PDE11A: variants seen among roughly 807,000 people sequenced by gnomAD.
The protein encoded by PDE11A is phosphodiesterase 11A.
PDE11A carries 100 observed loss-of-function variants against 100.5 expected under a neutral mutation model. The ratio of observed to expected loss-of-function variants is 1.00; its 90% CI spans 0.85 to 1.18. PDE11A has a LOEUF of 1.18. Among genes scored for constraint, PDE11A ranks in the 50% most tolerant of loss-of-function variants. The pLI is 0.00. For synonymous variants in PDE11A, 381 were observed against 420.8 expected (o/e 0.91, Z 1.16); for missense variants, 1,141 against 1,152.6 (o/e 0.99, Z 0.15).
At chr2:177,804,947 C>G (rs73034264) in intron 9 of PDE11A, among the ~76,000 whole-genome samples, 17,157 of 151,478 alleles carry the variant, frequency 0.11, 1,130 homozygotes, top group African/African-American at 0.19. Context: ...AGGTTGGGAG[C>G]GGGTGAGAAT....
intron 10 of PDE11A, among the ~76,000 whole-genome samples, chr2:177,767,504 A>G (rs1035993036): frequency 3.9e-5 from 6 of 152,184 alleles, no homozygotes; most frequent in Non-Finnish European, 5.9e-5. Flanking sequence ...GCAAAAATAT[A>G]ATATAAACAT....
intron 9 of PDE11A, among the ~76,000 whole-genome samples, chr2:177,814,337 T>G (rs116551433): frequency 0.015 from 2,234 of 152,200 alleles, 53 homozygotes; most frequent in African/African-American, 0.051. Flanking sequence ...CATTCCTGAA[T>G]TTGGGTTTAG....
intron 14 of PDE11A, among the ~76,000 whole-genome samples, chr2:177,700,230 A>G (rs1179449110): frequency 6.6e-6 from 1 of 152,154 alleles, no homozygotes; most frequent in Non-Finnish European, 1.5e-5. Context: ...GAAGGCCTCC[A>G]TGATATTGCA....
At chr2:177,802,112 TACA>T (rs375544277) in intron 9 of PDE11A, among the ~76,000 whole-genome samples, 20 of 151,424 alleles carry the variant, frequency 1.3e-4, no homozygotes, top group African/African-American at 4.8e-4. Context: ...AGAAAAAGAG[TACA>T]ACATTTTTAG....
chr2:177,927,564 T>C (rs1280126729), intron 2 of PDE11A, among the ~76,000 whole-genome samples: 1 of 152,208 alleles, frequency 6.6e-6, no homozygotes, highest in Non-Finnish European at 1.5e-5. Flanking sequence ...GAGTAAAGTG[T>C]TTAACACAGG....
Position 177,727,722 on chromosome 2 carries a change from A to G in PDE11A, c.1979T>C (p.Met660Thr). The G allele has an allele frequency of 1.2e-6, 2 of 1,612,306 alleles. No homozygotes were observed. The highest frequency in any genetic ancestry group is 1.7e-6 in the Non-Finnish European group (2 of 1,178,412). ...ATGTCTCCAGTTGTGGTATAGAACC[A>G]TCCGATAGTTTTTCCTCACTGTCAA... ...WLLTVRKNYR[M>T]VLYHNWRHAF... The change falls in exon 12 of 20, where the codon ATG becomes ACG. Residue 660 changes from methionine (M) to threonine (T), a missense_variant. By Grantham distance (81) the Met-to-Thr change is moderately conservative. Coordinates refer to ENST00000286063, the MANE Select transcript of PDE11A (RefSeq NM_016953.4).
Position 177,629,047 on chromosome 2 carries a change from C to A in PDE11A, c.*360G>T. On this transcript the variant is annotated 3_prime_UTR_variant, in exon 20 of 20. Transcript: ENST00000286063. Reference sequence around the variant, plus strand: ...CAGAAAAGCCCTATACAAAACGAAGCAGCGCTAATGACGCTTTTACTGTTC... The same window carrying A: ...CAGAAAAGCCCTATACAAAACGAAGAAGCGCTAATGACGCTTTTACTGTTC... 1 of 306,008 alleles carries A rather than the reference C, an allele frequency of 3.3e-6. No individual in the cohort carries two copies. 19.0% of individuals were successfully genotyped at this position (306,008 alleles called of 1,614,324 possible).
intron 2 of PDE11A, among the ~76,000 whole-genome samples, chr2:177,924,859 C>T (rs1357033694): frequency 6.8e-6 from 1 of 148,000 alleles, no homozygotes; most frequent in African/African-American, 2.5e-5. Context: ...AGGTATATCT[C>T]CCAATGCTAT....
intron 2 of PDE11A, among the ~76,000 whole-genome samples, chr2:177,912,204 C>T (rs1342178882): frequency 2.0e-5 from 3 of 152,124 alleles, no homozygotes; most frequent in Non-Finnish European, 2.9e-5. Flanking sequence ...TCTAGGCGTC[C>T]TCATCACTCT....
intron 9 of PDE11A, among the ~76,000 whole-genome samples, chr2:177,798,441 T>C (rs1426000694): frequency 1.3e-5 from 2 of 152,216 alleles, no homozygotes; most frequent in African/African-American, 4.8e-5. Context: ...ACATAATAGG[T>C]GATCCATTCG....
At chr2:177,732,475 C>A (rs570774560) in intron 10 of PDE11A, among the ~76,000 whole-genome samples, 1 of 152,276 alleles carries the variant, frequency 6.6e-6, no homozygotes, top group Non-Finnish European at 1.5e-5. Flanking sequence ...GGAGGCTGAA[C>A]CTTGTTACAG....
Position 178,001,440 on chromosome 2 carries a change from A to G in PDE11A, c.1071+12862T>C, listed in dbSNP as rs969751709. ...CTCCAGAGATCTTTATCTGCCTTCA[A>G]TAGCATGGGGCTTTGCAATGTTAGA... On this transcript the variant is annotated intron_variant, in intron 2 of 19. Transcript: ENST00000286063. Among the ~76,000 whole-genome samples, 11 of 152,144 alleles carry G rather than the reference A, an allele frequency of 7.2e-5. 1 individual carries two copies. Among genetic ancestry groups the G allele is most frequent in the African/African-American group, 2.7e-4 (11 of 41,434 alleles).
intron 2 of PDE11A, among the ~76,000 whole-genome samples, chr2:177,937,590 T>C (rs1207501176): frequency 6.6e-6 from 1 of 152,200 alleles, no homozygotes; most frequent in African/African-American, 2.4e-5. Context: ...GTGCTGGAAT[T>C]ACAGGCGTGA....
chr2:177,905,992 C>G (rs934168366), intron 2 of PDE11A, among the ~76,000 whole-genome samples: 6 of 152,204 alleles, frequency 3.9e-5, no homozygotes, highest in Admixed American at 3.3e-4. Context: ...AGAAATTCAT[C>G]TCCAGAATCT....
intron 2 of PDE11A, among the ~76,000 whole-genome samples, chr2:177,944,484 A>C (rs1331576557): frequency 6.6e-6 from 1 of 152,170 alleles, no homozygotes; most frequent in Non-Finnish European, 1.5e-5. Flanking sequence ...ATTCTTGCTT[A>C]TGTGAATTTA....
chr2:177,697,838 G>A (rs10176298), intron 14 of PDE11A, among the ~76,000 whole-genome samples: 12,069 of 152,222 alleles, frequency 0.079, 1,601 homozygotes, highest in African/African-American at 0.27. Context: ...GGTTTAAGCT[G>A]GCATTTTGGA....
chr2:177,740,707 A>T (rs969115252), intron 10 of PDE11A, among the ~76,000 whole-genome samples: 1 of 152,264 alleles, frequency 6.6e-6, no homozygotes, highest in Admixed American at 6.5e-5. Context: ...GCAGCACAGC[A>T]TGGAATTATT....
In PDE11A at chr2:177,980,594, T is replaced by C. The variant is rs1054139866; in HGVS notation, c.1071+33708A>G. Among the ~76,000 whole-genome samples the C allele has an allele frequency of 6.6e-5, 10 of 150,870 alleles. 1 individual carries two copies. The highest frequency in any genetic ancestry group is 1.3e-4 in the Non-Finnish European group (9 of 67,316). The stretch of plus-strand genomic sequence containing the variant: ...ATCTACACAATTCAATGCAGATTTA[T>C]TTAGTTTTTTATGAAGACATTGGTT... On this transcript the variant is annotated intron_variant, in intron 2 of 19. Transcript: ENST00000286063.
chr2:177,805,000 T>C (rs114256119), intron 9 of PDE11A, among the ~76,000 whole-genome samples: 2,917 of 151,926 alleles, frequency 0.019, 34 homozygotes, highest in Non-Finnish European at 0.028. Context: ...ATTAGGGTGA[T>C]GGATACACTA....
Sources: allele counts gnomAD v4.1 joint callset (sites outside exome capture counted in the v4.1 genomes callset), GRCh38; gene constraint gnomAD v4.1.1; transcripts MANE v1.5; gene names NCBI Gene and HGNC (gene_info 2026-07-23, HGNC 2026-07-21).